SLC30A6: variants seen among roughly 807,000 people sequenced by gnomAD.
SLC30A6 encodes zinc transporter 6.
A neutral mutation model predicts 63.0 loss-of-function variants in SLC30A6; 55 were observed. That is an observed-to-expected ratio of 0.87 (90% confidence interval 0.70 to 1.09). The LOEUF (loss-of-function observed/expected upper bound fraction) is 1.09, where lower values mean the gene tolerates loss of function less well. SLC30A6 is among the 50% of genes least tolerant of loss of function. The probability of loss-of-function intolerance (pLI) is 0.00; values close to 1 mark genes in which losing one functional copy is unlikely to be tolerated. For synonymous variants in SLC30A6, 224 were observed against 186.1 expected (o/e 1.20, Z -1.66); for missense variants, 587 against 549.2 (o/e 1.07, Z -0.69).
intron 12 of SLC30A6, 105 bp from the exon 13 acceptor site, chr2:32,209,388 A>T: frequency 1.2e-6 from 1 of 801,914 alleles, no homozygotes; most frequent in Non-Finnish European, 2.0e-6. Context: ...CTTGTGCAGG[A>T]TTTGGCTGTC....
chr2:32,215,297 C>T (rs1332139602), intron 13 of SLC30A6, among the ~76,000 whole-genome samples: 1 of 151,976 alleles, frequency 6.6e-6, no homozygotes, highest in Non-Finnish European at 1.5e-5. Context: ...TGGGCTCAAG[C>T]CATCCTCACA....
chr2:32,205,664 T>TC (rs1194067929), intron 11 of SLC30A6, among the ~76,000 whole-genome samples: 2 of 134,396 alleles, frequency 1.5e-5, no homozygotes, highest in East Asian at 4.1e-4. Context: ...TGTTACTTCT[T>TC]TTTTTTTTTT....
intron 13 of SLC30A6, among the ~76,000 whole-genome samples, chr2:32,210,984 A>C (rs1573410919): frequency 6.6e-6 from 1 of 152,168 alleles, no homozygotes; most frequent in South Asian, 2.1e-4. Flanking sequence ...GGAGTTACCT[A>C]TGGGGCACTC....
intron 4 of SLC30A6, 34 bp downstream of exon 4, chr2:32,175,395 T>C (rs2148810446): frequency 6.3e-7 from 1 of 1,590,340 alleles, no homozygotes; most frequent in Non-Finnish European, 8.6e-7. Flanking sequence ...GTTTTGGAGC[T>C]AATAAGGAAC....
intron 1 of SLC30A6, 43 bp downstream of exon 1, chr2:32,165,946 C>T (rs766751919): frequency 1.2e-6 from 2 of 1,613,874 alleles, no homozygotes; most frequent in Non-Finnish European, 1.7e-6. Flanking sequence ...GTAGCTGATT[C>T]GGTTTATCTT....
intron 5 of SLC30A6, among the ~76,000 whole-genome samples, chr2:32,191,333 C>A (rs1210899916): frequency 6.6e-6 from 1 of 151,948 alleles, no homozygotes; most frequent in African/African-American, 2.4e-5. Flanking sequence ...TTTTGTTTAA[C>A]AATATATAAT....
chr2:32,208,331 A>AT (rs956259945), intron 12 of SLC30A6, among the ~76,000 whole-genome samples: 1 of 150,972 alleles, frequency 6.6e-6, no homozygotes, highest in Non-Finnish European at 1.5e-5. Context: ...AGGTTTCACC[A>AT]TGTTGGCCAG....
chr2:32,193,322 C>T (rs773775392), intron 7 of SLC30A6, among the ~76,000 whole-genome samples: 13 of 152,044 alleles, frequency 8.6e-5, no homozygotes, highest in Non-Finnish European at 1.5e-4. Context: ...TCAGTGTAAT[C>T]CCAGCACTTT....
At chr2:32,213,393 T>C (rs988507194) in intron 13 of SLC30A6, among the ~76,000 whole-genome samples, 3 of 151,578 alleles carry the variant, frequency 2.0e-5, no homozygotes, top group African/African-American at 4.8e-5. Flanking sequence ...GCAGACCCAG[T>C]GTATTTGCCC....
chr2:32,201,285 G>A (rs894148001), intron 10 of SLC30A6, among the ~76,000 whole-genome samples: 3 of 152,158 alleles, frequency 2.0e-5, no homozygotes, highest in Non-Finnish European at 4.4e-5. Context: ...TGGCATTTTG[G>A]TCTGTATTGT....
Position 32,214,885 on chromosome 2 carries a change from G to A in SLC30A6, c.885+5324G>A, listed in dbSNP as rs143439224. 2.0e-3 allele frequency among the ~76,000 whole-genome samples: 303 copies of A among 152,312 alleles called. 1 individual carries two copies. The Middle Eastern group carries it at 0.02, about 10-fold the overall frequency. ...ACTTAGGTAGTGACAACTGTGAATG[G>A]TAGTGGCAAAAGAAAAGGGAAAAAT... is the stretch of plus-strand genomic sequence containing the variant. On this transcript the variant is annotated intron_variant, in intron 13 of 13. Transcript: ENST00000282587.
At position 32,165,918 on chromosome 2, in the gene SLC30A6, G is replaced by A. The variant is rs1332525579; in HGVS notation, c.3+15G>A. 2 of 1,614,164 alleles carry A rather than the reference G, an allele frequency of 1.2e-6. No homozygotes were observed. The highest frequency in any genetic ancestry group is 2.2e-5 in the East Asian group (1 of 44,876). ...TCCTTATCATGGTGAGTTGGCTGTT[G>A]GGGTGAGGGTTTCGGCTGTAGCTGA... On this transcript the variant is annotated intron_variant, in intron 1 of 13. Transcript: ENST00000282587.
chr2:32,210,189 T>G (rs962129733), intron 13 of SLC30A6, among the ~76,000 whole-genome samples: 2 of 152,204 alleles, frequency 1.3e-5, no homozygotes, highest in Non-Finnish European at 2.9e-5. Context: ...GTTGATATTT[T>G]GGTGTTTATA....
chr2:32,180,900 A>G (rs139381011), intron 4 of SLC30A6, among the ~76,000 whole-genome samples: 13 of 152,328 alleles, frequency 8.5e-5, no homozygotes, highest in Non-Finnish European at 1.8e-4. Context: ...TAATTTGAGG[A>G]AGTTTCTTTC....
intron 4 of SLC30A6, 27 bp downstream of exon 4, chr2:32,175,388 T>G (rs1294254354): frequency 6.2e-7 from 1 of 1,600,278 alleles, no homozygotes; most frequent in Non-Finnish European, 8.5e-7. Flanking sequence ...TCTTAATGTT[T>G]TGGAGCTAAT....
intron 12 of SLC30A6, 85 bp from the exon 13 acceptor site, chr2:32,209,408 T>C (rs1289265391): frequency 9.2e-7 from 1 of 1,086,324 alleles, no homozygotes. Context: ...CATTCTTAAG[T>C]TTAAACTAAG....
chr2:32,178,120 G>T (rs1201311270), intron 4 of SLC30A6, among the ~76,000 whole-genome samples: 1 of 150,518 alleles, frequency 6.6e-6, no homozygotes, highest in African/African-American at 2.4e-5. Flanking sequence ...GCTAATTTTT[G>T]GTATTTTTAG....
intron 5 of SLC30A6, chr2:32,187,013 A>AG: frequency 8.5e-6 from 3 of 351,992 alleles, no homozygotes; most frequent in South Asian, 4.5e-5. Context: ...AAAAAAAAAA[A>AG]AAGAAAGAAA....
chr2:32,208,140 G>GT (rs1179891763), intron 12 of SLC30A6, among the ~76,000 whole-genome samples: 19 of 144,698 alleles, frequency 1.3e-4, no homozygotes, highest in Non-Finnish European at 2.4e-4. Context: ...CCTGTTTTTT[G>GT]TTTTTTTTGA....
Sources: allele counts gnomAD v4.1 joint callset (sites outside exome capture counted in the v4.1 genomes callset), GRCh38; gene constraint gnomAD v4.1.1; transcripts MANE v1.5; gene names NCBI Gene and HGNC (gene_info 2026-07-23, HGNC 2026-07-21).